TRPM3: variants seen among roughly 807,000 people sequenced by gnomAD.
TRPM3 encodes the protein long transient receptor potential channel 3.
TRPM3 carries 77 observed loss-of-function variants against 181.2 expected under a neutral mutation model. That is an observed-to-expected ratio of 0.42 (90% CI 0.35 to 0.51). TRPM3 has a LOEUF of 0.51. Among genes scored for constraint, TRPM3 ranks in the 20% least tolerant of loss-of-function variants. The pLI is 0.01. For synonymous variants in TRPM3, 745 were observed against 796.4 expected, an observed-to-expected ratio of 0.94 and a Z score of 1.09; for missense variants, 1,759 against 2,196.7, an observed-to-expected ratio of 0.80 and a Z score of 3.98.
intron 1 of TRPM3, among the ~76,000 whole-genome samples, chr9:71,111,443 G>A (rs1337957489): frequency 2.6e-5 from 4 of 152,278 alleles, no homozygotes; most frequent in Non-Finnish European, 5.9e-5. Flanking sequence ...AATATCTGGA[G>A]AAATTTTGTT....
At chr9:71,134,702 G>A (rs1053502370) in intron 1 of TRPM3, among the ~76,000 whole-genome samples, 1 of 152,122 alleles carries the variant, frequency 6.6e-6, no homozygotes, top group Non-Finnish European at 1.5e-5. Flanking sequence ...CCACAAAGTT[G>A]ACTGGCAAAA....
intron 1 of TRPM3, among the ~76,000 whole-genome samples, chr9:70,898,952 A>C (rs2096340732): frequency 6.6e-6 from 1 of 152,138 alleles, no homozygotes. Flanking sequence ...CCTTTGCTTA[A>C]TTGGTAAGTT....
chr9:71,443,407 T>C (rs2094160676), intron 1 of TRPM3, among the ~76,000 whole-genome samples: 1 of 152,094 alleles, frequency 6.6e-6, no homozygotes, highest in African/African-American at 2.4e-5. Context: ...GTCCAGAACT[T>C]GAGAACATGC....
chr9:70,640,268 A>AT (rs2057855237), intron 10 of TRPM3, among the ~76,000 whole-genome samples: 1 of 152,150 alleles, frequency 6.6e-6, no homozygotes, highest in Admixed American at 6.5e-5. Flanking sequence ...TTTGTCTTAT[A>AT]TTTTTTCAGA....
chr9:71,107,530 G>A (rs1047399411), intron 1 of TRPM3, among the ~76,000 whole-genome samples: 1 of 152,138 alleles, frequency 6.6e-6, no homozygotes, highest in African/African-American at 2.4e-5. Context: ...TCAAAGGCCT[G>A]TTCTTTTCGT....
intron 9 of TRPM3, among the ~76,000 whole-genome samples, chr9:70,666,684 C>T (rs1590009098): frequency 6.6e-6 from 1 of 152,240 alleles, no homozygotes; most frequent in South Asian, 2.1e-4. Context: ...TCTCTTTTCC[C>T]CTGTTCTCTT....
At chr9:70,753,164 C>T (rs756294454) in intron 8 of TRPM3, among the ~76,000 whole-genome samples, 1 of 152,024 alleles carries the variant, frequency 6.6e-6, no homozygotes, top group Non-Finnish European at 1.5e-5. Context: ...AGCCTAATGA[C>T]ACATTTCTCA....
At chr9:70,738,023 C>T (rs894622707) in intron 8 of TRPM3, among the ~76,000 whole-genome samples, 2 of 152,176 alleles carry the variant, frequency 1.3e-5, no homozygotes. Flanking sequence ...AACAAATGGA[C>T]TTAACAGATA....
chr9:71,425,168 A>C (rs1322934902), intron 1 of TRPM3, among the ~76,000 whole-genome samples: 1 of 152,026 alleles, frequency 6.6e-6, no homozygotes, highest in Non-Finnish European at 1.5e-5. Context: ...GCTCTTTCCT[A>C]GACCCCCTTA....
Position 70,536,646 on chromosome 9 carries a change from G to A in TRPM3, c.4467C>T (p.Thr1489=). 6.2e-7 allele frequency: 1 copy of A among 1,614,064 alleles called. No individual in the cohort carries two copies. Among genetic ancestry groups the A allele is most frequent in the Non-Finnish European group, 8.5e-7 (1 of 1,180,008 alleles). Residue 1489 remains threonine (T), a synonymous_variant, in exon 26 of 26, where the codon ACC becomes ACT. Transcript: ENST00000677713. ...MDTRSFSSDY[T]HLPECQNPWD... is the part of the protein sequence containing the mutation. ...AGGGGTTTTGGCATTCTGGGAGGTG[G>A]GTGTAGTCTGAAGAAAAAGATCTAG...
chr9:70,776,432 C>T (rs2081371096), intron 7 of TRPM3: 2 of 713,556 alleles, frequency 2.8e-6, no homozygotes, highest in Non-Finnish European at 5.2e-6. Context: ...TTCTAAATAC[C>T]TTTGCTTTCC....
intron 1 of TRPM3, among the ~76,000 whole-genome samples, chr9:71,053,511 G>A (rs1181037123): frequency 2.6e-5 from 4 of 152,036 alleles, no homozygotes; most frequent in Admixed American, 6.6e-5. Flanking sequence ...GTGTCAACCC[G>A]CTCAATGTGT....
upstream of TRPM3, chr9:71,121,708 G>C: frequency 2.2e-6 from 2 of 929,688 alleles, no homozygotes; most frequent in Non-Finnish European, 2.6e-6. Context: ...AGCTTGGTTT[G>C]GGGGGGAGCC....
At chr9:71,044,821 G>A (rs12375944) in intron 1 of TRPM3, among the ~76,000 whole-genome samples, 3,034 of 151,432 alleles carry the variant, frequency 0.02, 41 homozygotes, top group Non-Finnish European at 0.03. Flanking sequence ...ACAGGCGCCA[G>A]CCACCACGCC....
At chr9:71,003,577 C>T (rs2097640338) in intron 1 of TRPM3, among the ~76,000 whole-genome samples, 1 of 152,126 alleles carries the variant, frequency 6.6e-6, no homozygotes, top group African/African-American at 2.4e-5. Flanking sequence ...GTGGCTGTTT[C>T]TCCACAACCT....
intron 5 of TRPM3, among the ~76,000 whole-genome samples, chr9:70,833,362 C>A (rs903662527): frequency 4.6e-5 from 7 of 152,142 alleles, no homozygotes; most frequent in South Asian, 2.1e-4. Flanking sequence ...AATTATGAAC[C>A]AACATGCTCC....
At chr9:71,082,781 G>A (rs956162603) in intron 1 of TRPM3, among the ~76,000 whole-genome samples, 2 of 152,076 alleles carry the variant, frequency 1.3e-5, no homozygotes, top group Non-Finnish European at 2.9e-5. Flanking sequence ...CAAGGGGGTG[G>A]TTTTACCAGG....
intron 1 of TRPM3, among the ~76,000 whole-genome samples, chr9:71,402,031 G>T (rs1308233375): frequency 1.3e-5 from 2 of 152,166 alleles, no homozygotes; most frequent in African/African-American, 4.8e-5. Context: ...TGTATCAGAA[G>T]TGTTTCTGCC....
intron 1 of TRPM3, among the ~76,000 whole-genome samples, chr9:71,006,849 C>G (rs1278862659): frequency 1.5e-5 from 2 of 130,708 alleles, no homozygotes; most frequent in Non-Finnish European, 3.1e-5. Context: ...CCAGCCTGGG[C>G]GACAGAGCGA....
Sources: gnomAD v4.1 joint callset for allele counts (sites outside exome capture counted in the v4.1 genomes callset) on GRCh38, gnomAD v4.1.1 for gene constraint, MANE v1.5 for transcripts, NCBI Gene and HGNC (gene_info 2026-07-23, HGNC 2026-07-21) for gene names.